The following RCAN2 variants were observed in gnomAD, a reference collection of about 807,000 sequenced individuals.
The protein encoded by RCAN2 is regulator of calcineurin 2.
In RCAN2, 9 loss-of-function variants were observed where a neutral mutation model predicts 23.6. That is an observed-to-expected ratio of 0.38 (90% CI 0.23 to 0.67). The LOEUF (loss-of-function observed/expected upper bound fraction) is 0.67. Ranked by LOEUF, RCAN2 falls within the 30% of genes least tolerant of loss-of-function variation. The probability of loss-of-function intolerance (pLI) is 0.51; values close to 1 mark genes in which losing one functional copy is unlikely to be tolerated. For missense variants in RCAN2, 273 were observed against 302.3 expected (o/e 0.90, Z 0.72); for synonymous variants, 109 against 115.7 (o/e 0.94, Z 0.37).
chr6:46,405,508 A>T (rs1470175534), intron 2 of RCAN2, among the ~76,000 whole-genome samples: 1 of 152,204 alleles, frequency 6.6e-6, no homozygotes. Flanking sequence ...CCACGTCCCC[A>T]TCAGATTAGT....
At chr6:46,475,143 T>C (rs1205496502) in intron 1 of RCAN2, among the ~76,000 whole-genome samples, 1 of 152,132 alleles carries the variant, frequency 6.6e-6, no homozygotes, top group African/African-American at 2.4e-5. Flanking sequence ...GGAAATTAGG[T>C]TGGAGGTGAG....
chr6:46,235,300 T>C (rs548805905), intron 4 of RCAN2, among the ~76,000 whole-genome samples: 30 of 152,274 alleles, frequency 2.0e-4, no homozygotes, highest in African/African-American at 7.0e-4. Context: ...CTGGACAAAG[T>C]CTTTGTATGT....
At chr6:46,389,568 G>A (rs1198050526) in intron 2 of RCAN2, among the ~76,000 whole-genome samples, 1 of 152,206 alleles carries the variant, frequency 6.6e-6, no homozygotes, top group African/African-American at 2.4e-5. Context: ...AGTCATCTCT[G>A]CACTCCCAGT....
At chr6:46,458,416 G>A (rs1421099500) in intron 1 of RCAN2, among the ~76,000 whole-genome samples, 7 of 152,080 alleles carry the variant, frequency 4.6e-5, no homozygotes, top group South Asian at 2.1e-4. Flanking sequence ...TCTTAAGCCC[G>A]GTTGAGGTAG....
At chr6:46,247,294 C>A (rs766272879) in intron 3 of RCAN2, among the ~76,000 whole-genome samples, 18 of 152,126 alleles carry the variant, frequency 1.2e-4, no homozygotes, top group Admixed American at 2.0e-4. Flanking sequence ...CCAAATGTTT[C>A]CTTCTCTCCT....
At chr6:46,319,165 G>A (rs1400309513) in intron 2 of RCAN2, among the ~76,000 whole-genome samples, 2 of 152,172 alleles carry the variant, frequency 1.3e-5, no homozygotes, top group Non-Finnish European at 2.9e-5. Context: ...TCACTGCAAA[G>A]TTGCAATGCC....
At chr6:46,468,381 T>C (rs1768453382) in intron 1 of RCAN2, among the ~76,000 whole-genome samples, 1 of 152,184 alleles carries the variant, frequency 6.6e-6, no homozygotes, top group Non-Finnish European at 1.5e-5. Context: ...TAGTCTTACT[T>C]ACCCTTCTCT....
intron 2 of RCAN2, among the ~76,000 whole-genome samples, chr6:46,267,253 G>T (rs941256094): frequency 6.6e-6 from 1 of 152,166 alleles, no homozygotes; most frequent in Non-Finnish European, 1.5e-5. Flanking sequence ...AAATAACATG[G>T]TCATGGTAGA....
At chr6:46,373,205 C>T (rs996781310) in intron 2 of RCAN2, among the ~76,000 whole-genome samples, 6 of 152,104 alleles carry the variant, frequency 3.9e-5, no homozygotes, top group Non-Finnish European at 7.4e-5. Context: ...ACTAAAGCTA[C>T]GGGGTCAAGA....
At chr6:46,290,762 G>A (rs78051848) in intron 2 of RCAN2, among the ~76,000 whole-genome samples, 1,584 of 152,258 alleles carry the variant, frequency 0.01, 28 homozygotes, top group African/African-American at 0.036. Context: ...CCGTGAAGAC[G>A]GAAGCCTGAA....
At chr6:46,360,743 T>G (rs1236636820) in intron 2 of RCAN2, among the ~76,000 whole-genome samples, 1 of 152,150 alleles carries the variant, frequency 6.6e-6, no homozygotes, top group Admixed American at 6.5e-5. Context: ...TGGTACCAAA[T>G]AGCCAAATGA....
chr6:46,352,544 A>G (rs573115707), intron 2 of RCAN2, among the ~76,000 whole-genome samples: 21 of 152,290 alleles, frequency 1.4e-4, no homozygotes. Context: ...CTTCCAGGTC[A>G]CCAGGAGCCT....
chr6:46,397,076 A>C (rs1196945574), intron 2 of RCAN2, among the ~76,000 whole-genome samples: 2 of 152,152 alleles, frequency 1.3e-5, no homozygotes, highest in Admixed American at 6.6e-5. Flanking sequence ...ACACCACTGC[A>C]CTCCAGCCTG....
rs538534735 is a variant in RCAN2 at position 46,332,465 on chromosome 6, C to T, written c.226-83569G>A. Among the ~76,000 whole-genome samples the T allele has an allele frequency of 1.5e-4, 20 of 132,346 alleles. 1 individual carries two copies. In the South Asian group the frequency reaches 5.3e-3, roughly 35 times the overall value. The allele number at this position is 132,346 out of a possible 152,430, so 86.8% of individuals were successfully genotyped here. A position where few individuals can be genotyped will look rare whatever the true frequency, so the allele number is the denominator to read the frequency against. On this transcript the variant is annotated intron_variant, in intron 2 of 4. Coordinates refer to ENST00000371374, the MANE Select transcript of RCAN2 (RefSeq NM_001251974.2). ...CTAAAGTTATCCCTCCCCCCTCCCCCCACCCCACAACAGTCCCCAGAGTGT... is the reference window on the plus strand; with the variant it reads ...CTAAAGTTATCCCTCCCCCCTCCCCTCACCCCACAACAGTCCCCAGAGTGT...
intron 4 of RCAN2, among the ~76,000 whole-genome samples, chr6:46,246,221 C>A (rs1344880515): frequency 6.6e-6 from 1 of 152,180 alleles, no homozygotes; most frequent in Non-Finnish European, 1.5e-5. Flanking sequence ...CATATGCCAA[C>A]ATCAGAACAA....
chr6:46,243,821 A>C (rs1351120402), intron 4 of RCAN2, among the ~76,000 whole-genome samples: 1 of 150,818 alleles, frequency 6.6e-6, no homozygotes, highest in Non-Finnish European at 1.5e-5. Context: ...AAAAAAAAAA[A>C]AAAAAAAAAA....
At chr6:46,238,836 G>C (rs552045139) in intron 4 of RCAN2, among the ~76,000 whole-genome samples, 1 of 152,160 alleles carries the variant, frequency 6.6e-6, no homozygotes, top group East Asian at 1.9e-4. Context: ...TTATAGGGGT[G>C]AGCCACCACA....
chr6:46,260,483 G>C (rs1767073092), intron 2 of RCAN2, among the ~76,000 whole-genome samples: 1 of 152,146 alleles, frequency 6.6e-6, no homozygotes, highest in South Asian at 2.1e-4. Context: ...AGAGGAGCAA[G>C]TGAGGGGATT....
intron 2 of RCAN2, among the ~76,000 whole-genome samples, chr6:46,383,930 T>C (rs1053261169): frequency 1.3e-5 from 2 of 152,194 alleles, no homozygotes; most frequent in Admixed American, 6.5e-5. Context: ...CTCTGCCCTG[T>C]ACCAGGGATT....
Sources: allele counts gnomAD v4.1 joint callset (sites outside exome capture counted in the v4.1 genomes callset), GRCh38; gene constraint gnomAD v4.1.1; transcripts MANE v1.5; gene names NCBI Gene and HGNC (gene_info 2026-07-23, HGNC 2026-07-21).